Variants in BBS9 observed in about 807,000 individuals in gnomAD.
BBS9 encodes the protein Bardet-Biedl syndrome 9, also known as protein PTHB1.
A neutral mutation model predicts 117.7 loss-of-function variants in BBS9; 89 were observed. The ratio of observed to expected loss-of-function variants is 0.76; its 90% CI spans 0.64 to 0.90. The LOEUF (loss-of-function observed/expected upper bound fraction) is 0.90. BBS9 is among the 40% of genes least tolerant of loss of function. The probability of loss-of-function intolerance (pLI) is 0.00; values close to 1 mark genes in which losing one functional copy is unlikely to be tolerated. For missense variants in BBS9, 982 were observed against 1,042.2 expected (o/e 0.94, Z 0.80); for synonymous variants, 379 against 370.9 (o/e 1.02, Z -0.25).
At chr7:33,550,716 A>C (rs75608008) in intron 21 of BBS9, among the ~76,000 whole-genome samples, 1,881 of 152,312 alleles carry the variant, frequency 0.012, 32 homozygotes, top group East Asian at 0.053. Flanking sequence ...GGAATAGTCA[A>C]GTCCTGATTT....
At chr7:33,229,387 C>A (rs1791903308) in intron 5 of BBS9, among the ~76,000 whole-genome samples, 1 of 152,018 alleles carries the variant, frequency 6.6e-6, no homozygotes, top group African/African-American at 2.4e-5. Context: ...CATTTTCTCC[C>A]CCTGCCATCT....
At chr7:33,542,699 A>ATATG (rs751531506) in intron 21 of BBS9, among the ~76,000 whole-genome samples, 10 of 145,960 alleles carry the variant, frequency 6.9e-5, no homozygotes, top group South Asian at 2.2e-4. Context: ...CATTATATAT[A>ATATG]TGTGTGTGTG....
chr7:33,526,779 C>T (rs1035717891), intron 20 of BBS9, among the ~76,000 whole-genome samples: 10 of 151,932 alleles, frequency 6.6e-5, no homozygotes, highest in Non-Finnish European at 1.5e-4. Context: ...AGCTTTGTTC[C>T]GTTGCTGGTG....
At chr7:33,506,918 A>G (rs957371705) in intron 20 of BBS9, among the ~76,000 whole-genome samples, 4 of 152,206 alleles carry the variant, frequency 2.6e-5, no homozygotes, top group African/African-American at 9.6e-5. Flanking sequence ...GGTTAGGATT[A>G]TATTAATAAG....
At chr7:33,295,299 CTTAATT>C (rs1265459688) in intron 9 of BBS9, among the ~76,000 whole-genome samples, 3 of 151,916 alleles carry the variant, frequency 2.0e-5, no homozygotes, top group Non-Finnish European at 4.4e-5. Flanking sequence ...ATTTTTGGTA[CTTAATT>C]TTAAATTTGA....
chr7:33,627,575 C>T (rs532693860), intron 21 of BBS9, among the ~76,000 whole-genome samples: 88 of 152,268 alleles, frequency 5.8e-4, no homozygotes, highest in African/African-American at 1.9e-3. Context: ...AATTCCAGCC[C>T]GTGAAAGCAG....
intron 20 of BBS9, among the ~76,000 whole-genome samples, chr7:33,519,159 G>A (rs996786919): frequency 5.9e-5 from 9 of 152,092 alleles, no homozygotes; most frequent in African/African-American, 2.2e-4. Flanking sequence ...TTTTAGACAC[G>A]TTTTTCCCTG....
intron 19 of BBS9, among the ~76,000 whole-genome samples, chr7:33,467,259 A>G (rs1424968575): frequency 6.6e-6 from 1 of 152,036 alleles, no homozygotes; most frequent in South Asian, 2.1e-4. Context: ...TGATATTACC[A>G]AAACATCTCT....
chr7:33,390,163 TCATCCCTGC>T (rs1366290340), intron 19 of BBS9: 1 of 733,454 alleles, frequency 1.4e-6, no homozygotes, highest in African/African-American at 1.9e-5. Flanking sequence ...GGGTCTACCG[TCATCCCTGC>T]CTGCCATACT....
At chr7:33,237,745 T>G (rs1793767744) in intron 5 of BBS9, among the ~76,000 whole-genome samples, 1 of 152,168 alleles carries the variant, frequency 6.6e-6, no homozygotes, top group Admixed American at 6.5e-5. Flanking sequence ...TTTCACTGAC[T>G]TTTCACTCTA....
chr7:33,224,445 C>A (rs771490531), intron 5 of BBS9, among the ~76,000 whole-genome samples: 15 of 152,148 alleles, frequency 9.9e-5, no homozygotes, highest in Non-Finnish European at 2.1e-4. Context: ...TCATTTCAGG[C>A]TTTTAAAAGC....
At chr7:33,388,259 C>T (rs1826398897) in intron 19 of BBS9, 115 bp downstream of exon 19, 8 of 1,259,210 alleles carry the variant, frequency 6.4e-6, no homozygotes, top group Non-Finnish European at 9.2e-6. Context: ...CTTTAAGGAA[C>T]AGTGAACAGT....
intron 19 of BBS9, among the ~76,000 whole-genome samples, chr7:33,449,487 G>A (rs1378963379): frequency 6.6e-6 from 1 of 152,156 alleles, no homozygotes; most frequent in Non-Finnish European, 1.5e-5. Flanking sequence ...CGGAGCCCTG[G>A]AGAGGCTTGG....
At chr7:33,527,826 TG>T (rs1849880242) in intron 20 of BBS9, among the ~76,000 whole-genome samples, 2 of 152,226 alleles carry the variant, frequency 1.3e-5, no homozygotes, top group Admixed American at 1.3e-4. Context: ...GAGCCCTCTT[TG>T]CATGACAAGG....
At chr7:33,513,359 T>C (rs1025093329) in intron 20 of BBS9, among the ~76,000 whole-genome samples, 2 of 152,352 alleles carry the variant, frequency 1.3e-5, no homozygotes, top group South Asian at 4.1e-4. Flanking sequence ...TTATTTCTCA[T>C]TAAGTACTCT....
chr7:33,377,741 C>T (rs10252552), intron 17 of BBS9, among the ~76,000 whole-genome samples: 4,289 of 152,084 alleles, frequency 0.028, 238 homozygotes, highest in East Asian at 0.27. Context: ...TCTTTCACCT[C>T]CCTTGTTAAT....
intron 10 of BBS9, among the ~76,000 whole-genome samples, chr7:33,339,185 C>T (rs80286137): frequency 0.01 from 1,574 of 152,164 alleles, 17 homozygotes; most frequent in African/African-American, 0.036. Context: ...CTCTTGATTC[C>T]TTCTATCTCG....
chr7:33,171,808 T>C (rs1000365980), intron 4 of BBS9, among the ~76,000 whole-genome samples: 1 of 152,076 alleles, frequency 6.6e-6, no homozygotes, highest in Admixed American at 6.5e-5. Flanking sequence ...TTACTGAAAA[T>C]AATTTTGAAA....
chr7:33,628,411 A>G (rs1426213275), intron 21 of BBS9, among the ~76,000 whole-genome samples: 1 of 152,228 alleles, frequency 6.6e-6, no homozygotes, highest in Non-Finnish European at 1.5e-5. Flanking sequence ...AAATCAATCA[A>G]GATAATTCAC....
Sources: allele counts gnomAD v4.1 joint callset (sites outside exome capture counted in the v4.1 genomes callset), GRCh38; gene constraint gnomAD v4.1.1; transcripts MANE v1.5; gene names NCBI Gene and HGNC (gene_info 2026-07-23, HGNC 2026-07-21).